CBLIF: variants seen among roughly 807,000 people sequenced by gnomAD.
CBLIF encodes cobalamin binding intrinsic factor, also known as gastric intrinsic factor (vitamin B synthesis).
In CBLIF, 24 loss-of-function variants were observed where a neutral mutation model predicts 44.9. That is an observed-to-expected ratio of 0.53 (90% CI 0.39 to 0.75). The LOEUF (loss-of-function observed/expected upper bound fraction) is 0.75. Among genes scored for constraint, CBLIF ranks in the 30% least tolerant of loss-of-function variants. The pLI, the probability that CBLIF is intolerant of heterozygous loss-of-function variation, is 0.00. For missense variants in CBLIF, 481 were observed against 513.0 expected (o/e 0.94, Z 0.60); for synonymous variants, 183 against 190.9 (o/e 0.96, Z 0.34).
At chr11:59,843,814 G>A (rs951347386) in intron 2 of CBLIF, 65 bp downstream of exon 2, 8 of 1,220,812 alleles carry the variant, frequency 6.6e-6, no homozygotes, top group Non-Finnish European at 9.7e-6. Flanking sequence ...ACGCTGAGTT[G>A]GAATCTGGAG....
intron 4 of CBLIF, 44 bp downstream of exon 4, chr11:59,842,399 A>G: frequency 2.5e-6 from 4 of 1,607,774 alleles, no homozygotes; most frequent in Non-Finnish European, 3.4e-6. Context: ...TCAGTTCACG[A>G]TGCCTCTGAT....
chr11:59,840,466 C>T (rs1365333638), intron 5 of CBLIF, among the ~76,000 whole-genome samples: 1 of 152,186 alleles, frequency 6.6e-6, no homozygotes, highest in Non-Finnish European at 1.5e-5. Flanking sequence ...CATCTGTCTT[C>T]TATGGAGGCT....
At chr11:59,839,790 A>C (rs988292993) in intron 5 of CBLIF, among the ~76,000 whole-genome samples, 2 of 152,194 alleles carry the variant, frequency 1.3e-5, no homozygotes, top group Non-Finnish European at 2.9e-5. Context: ...TGTACTTGGC[A>C]GGTGATAAAA....
chr11:59,830,628 G>A (rs1005848459), intron 8 of CBLIF, among the ~76,000 whole-genome samples: 2 of 152,052 alleles, frequency 1.3e-5, no homozygotes, highest in African/African-American at 4.8e-5. Context: ...TGGGATGAAG[G>A]TGATGGGAAA....
intron 8 of CBLIF, 26 bp from the exon 9 acceptor site, chr11:59,829,571 A>G: frequency 6.6e-6 from 10 of 1,506,940 alleles, no homozygotes; most frequent in Non-Finnish European, 9.2e-6. Context: ...GAATAACATG[A>G]GGTGACTGTG....
At chr11:59,841,033 G>A (rs1866519399) in intron 5 of CBLIF, 110 bp downstream of exon 5, 1 of 845,246 alleles carries the variant, frequency 1.2e-6, no homozygotes, top group African/African-American at 1.7e-5. Context: ...TATATCTCAG[G>A]TCATACTAGC....
Position 59,834,296 on chromosome 11 carries a change from CTTTCTTTCTTTCTTT to C in CBLIF, c.1073+1497_1073+1511del, listed in dbSNP as rs1590856110. ...TCTTTCTTTCTTTCTTTCTTTCTTT[CTTTCTTTCTTTCTTT>C]CTTCCTTCCTTCCTTCCTTCCTTCC... is the stretch of plus-strand genomic sequence containing the variant. On this transcript the variant is annotated intron_variant, in intron 7 of 8. Transcript: ENST00000257248. 7.2e-3 allele frequency among the ~76,000 whole-genome samples: 949 copies of C among 132,508 alleles called. 3 individuals are homozygous for C. The highest frequency in any genetic ancestry group is 0.019 in the Admixed American group (231 of 12,104). The allele number at this position is 132,508 out of a possible 152,430, so 86.9% of individuals were successfully genotyped here. A position where few individuals can be genotyped will look rare whatever the true frequency, so the allele number is the denominator to read the frequency against.
Position 59,841,341 on chromosome 11 carries a change from G to T in CBLIF, c.512-17C>A, listed in dbSNP as rs148960211. ...CTCCTGTGTCTGTGAATGACAGAGG[G>T]TATAAGATCACCATAGTCACCATCA... On this transcript the variant is annotated splice_polypyrimidine_tract_variant and intron_variant, in intron 4 of 8. Coordinates refer to ENST00000257248, the MANE Select transcript of CBLIF (RefSeq NM_005142.3). 2.5e-5 allele frequency: 39 copies of T among 1,574,968 alleles called. No individual in the cohort carries two copies. In the Admixed American group the frequency reaches 6.3e-4, roughly 26 times the overall value.
intron 3 of CBLIF, 129 bp from the exon 4 acceptor site, chr11:59,842,712 T>C (rs1427332450): frequency 1.2e-5 from 10 of 862,712 alleles, no homozygotes; most frequent in Non-Finnish European, 1.9e-5. Flanking sequence ...AGACACAGCA[T>C]AGGCAAAGAG....
intron 4 of CBLIF, 139 bp downstream of exon 4, chr11:59,842,304 A>G: frequency 2.2e-6 from 2 of 896,974 alleles, no homozygotes; most frequent in South Asian, 1.4e-5. Context: ...TCTGGTAAAT[A>G]TCTCCCATCC....
At position 59,843,883 on chromosome 11, in the gene CBLIF, G is replaced by C; in HGVS notation, c.252C>G (p.Asn84Lys). The C allele has an allele frequency of 6.2e-7, 1 of 1,611,744 alleles. No homozygotes were observed. The highest frequency in any genetic ancestry group is 8.5e-7 in the Non-Finnish European group (1 of 1,178,194). ...CGAGCGGCTCAGATGTCTCACCGTTGTTGTCGCTGGACATGAGCTGGTAAG... is the reference window on the plus strand; with the variant it reads ...CGAGCGGCTCAGATGTCTCACCGTTCTTGTCGCTGGACATGAGCTGGTAAG... ...LLTYQLMSSD[N>K]NDLTIGQLGL... Residue 84 changes from asparagine to lysine, a missense_variant, in exon 2 of 9, where the codon AAC (asparagine) becomes AAG (lysine). Coordinates refer to ENST00000257248, the MANE Select transcript of CBLIF (RefSeq NM_005142.3).
chr11:59,843,988 T>G lies in CBLIF; in HGVS notation c.147A>C (p.Ser49=). The G allele has an allele frequency of 6.2e-7, 1 of 1,613,656 alleles. No homozygotes were observed. Among genetic ancestry groups the G allele is most frequent in the Non-Finnish European group, 8.5e-7 (1 of 1,179,598 alleles). The change falls in exon 2 of 9, where the codon TCA becomes TCC. Residue 49 remains serine (S), a synonymous_variant. Coordinates refer to ENST00000257248, the MANE Select transcript of CBLIF (RefSeq NM_005142.3). ...GGATGCTGGGGTTTGGGTAGGCTGA[T>G]GAAGTCACCGAGTTCTCCATGAGTA... is the stretch of plus-strand genomic sequence containing the variant. ...IQVLMENSVT[S]SAYPNPSILI... is the part of the protein sequence containing the mutation.
rs375468827 is a variant in CBLIF, at chr11:59,839,530, T to C, written c.693+1613A>G. Reference sequence around the variant, plus strand: ...GGCAGGTGTGGGAGTCAAACCTAAATTGTGATAGTTCCAGAGCCCTTTGAT... The same window carrying C: ...GGCAGGTGTGGGAGTCAAACCTAAACTGTGATAGTTCCAGAGCCCTTTGAT... On this transcript the variant is annotated intron_variant, in intron 5 of 8. Coordinates refer to ENST00000257248, the MANE Select transcript of CBLIF (RefSeq NM_005142.3). 3.6e-4 allele frequency among the ~76,000 whole-genome samples: 55 copies of C among 152,308 alleles called. 2 individuals carry two copies. The South Asian group carries it at 0.011, about 30-fold the overall frequency.
intron 3 of CBLIF, 150 bp downstream of exon 3, chr11:59,842,878 T>C: frequency 1.4e-6 from 1 of 690,246 alleles, no homozygotes; most frequent in East Asian, 2.7e-5. Context: ...ATCTTTCTGG[T>C]CTGGATTATC....
intron 7 of CBLIF, among the ~76,000 whole-genome samples, chr11:59,832,080 A>G (rs544860083): frequency 7.2e-5 from 11 of 152,312 alleles, no homozygotes; most frequent in African/African-American, 2.2e-4. Context: ...ATCTGATAAA[A>G]TGATCAGATA....
chr11:59,830,397 T>C (rs901825299), intron 8 of CBLIF, among the ~76,000 whole-genome samples: 10 of 152,018 alleles, frequency 6.6e-5, no homozygotes, highest in Admixed American at 1.3e-4. Flanking sequence ...CCACCACGCC[T>C]GACTAATTTT....
chr11:59,843,734 C>A, intron 2 of CBLIF, 145 bp downstream of exon 2: 1 of 714,650 alleles, frequency 1.4e-6, no homozygotes, highest in Non-Finnish European at 2.5e-6. Flanking sequence ...TTCCAGGTAC[C>A]TTCCAGGTAT....
In CBLIF at chr11:59,836,786, CAT is replaced by C. The variant is rs201746149; in HGVS notation, c.871+386_871+387del. Among the ~76,000 whole-genome samples, 200 of 152,340 alleles carry C rather than the reference CAT, an allele frequency of 1.3e-3. 3 individuals are homozygous for C. Among genetic ancestry groups the C allele is most frequent in the African/African-American group, 4.5e-3 (189 of 41,582 alleles). ...CCAAATATTGTAGTTTTTGTTTACA[CAT>C]CTGTCTTCTGACTTTGTGAAAGGCA... is the stretch of plus-strand genomic sequence containing the variant. On this transcript the variant is annotated intron_variant, in intron 6 of 8. Coordinates refer to ENST00000257248, the MANE Select transcript of CBLIF (RefSeq NM_005142.3).
intron 2 of CBLIF, 83 bp downstream of exon 2, chr11:59,843,796 T>A (rs1187343827): frequency 9.8e-7 from 1 of 1,015,662 alleles, no homozygotes; most frequent in African/African-American, 1.6e-5. Flanking sequence ...AGCATTGGGG[T>A]GGGAAGGACG....
Sources: gnomAD v4.1 joint callset for allele counts (sites outside exome capture counted in the v4.1 genomes callset) on GRCh38, gnomAD v4.1.1 for gene constraint, MANE v1.5 for transcripts, NCBI Gene and HGNC (gene_info 2026-07-23, HGNC 2026-07-21) for gene names.